Variants in CCBE1 observed in about 807,000 individuals in gnomAD.
CCBE1 encodes collagen and calcium binding EGF domains 1.
CCBE1 carries 37 observed loss-of-function variants against 50.0 expected under a neutral mutation model. That is an observed-to-expected ratio of 0.74 (90% confidence interval 0.57 to 0.97). The LOEUF is 0.97. Among genes scored for constraint, CCBE1 ranks in the 50% least tolerant of loss-of-function variants. The pLI is 0.00. For missense variants in CCBE1, 538 were observed against 523.8 expected, an observed-to-expected ratio of 1.03 and a Z score of -0.26; for synonymous variants, 234 against 203.7, an observed-to-expected ratio of 1.15 and a Z score of -1.27.
At chr18:59,569,741 C>A (rs952535313) in intron 2 of CCBE1, among the ~76,000 whole-genome samples, 3 of 152,092 alleles carry the variant, frequency 2.0e-5, no homozygotes, top group Non-Finnish European at 1.5e-5. Context: ...CTCAAGCCAT[C>A]CTCCCACCTC....
chr18:59,643,612 T>C (rs939685782), intron 2 of CCBE1, among the ~76,000 whole-genome samples: 1 of 152,164 alleles, frequency 6.6e-6, no homozygotes, highest in Non-Finnish European at 1.5e-5. Flanking sequence ...CTGGCCAACA[T>C]GGCAAAACCC....
intron 2 of CCBE1, among the ~76,000 whole-genome samples, chr18:59,580,637 A>G (rs886555324): frequency 2.0e-5 from 3 of 152,208 alleles, no homozygotes. Flanking sequence ...GGAGTCCCCA[A>G]AATGTAAAGC....
At chr18:59,610,758 C>G (rs954310328) in intron 2 of CCBE1, among the ~76,000 whole-genome samples, 1 of 143,106 alleles carries the variant, frequency 7.0e-6, no homozygotes, top group East Asian at 2.4e-4. Context: ...ACATGAGGAA[C>G]GGAGCCTCAC....
intron 2 of CCBE1, among the ~76,000 whole-genome samples, chr18:59,671,500 A>G (rs1213052183): frequency 1.4e-4 from 7 of 48,810 alleles, no homozygotes; most frequent in African/African-American, 7.5e-4. Flanking sequence ...CTTGTCTCAG[A>G]AAAAAAAAAA....
intron 2 of CCBE1, among the ~76,000 whole-genome samples, chr18:59,547,082 A>AGGGAGAGAGG (rs1915727602): frequency 8.5e-5 from 7 of 82,780 alleles, no homozygotes; most frequent in Admixed American, 1.2e-4. Context: ...GGGGAGAGAA[A>AGGGAGAGAGG]GGGAGAGAGA....
chr18:59,674,354 C>A (rs2054471074), intron 2 of CCBE1, among the ~76,000 whole-genome samples: 1 of 152,106 alleles, frequency 6.6e-6, no homozygotes. Flanking sequence ...CCATTCTCAG[C>A]AAACTAAGAC....
At position 59,684,945 on chromosome 18, in the gene CCBE1, G is replaced by A. The variant is rs531030997; in HGVS notation, c.212+11684C>T. On this transcript the variant is annotated intron_variant, in intron 2 of 10. Transcript: ENST00000439986. ...ATCAGGAGGACTGGAGAGTAAAGGCGTACAGATGGGATGGGAGGAGAATCT... is the reference window on the plus strand; with the variant it reads ...ATCAGGAGGACTGGAGAGTAAAGGCATACAGATGGGATGGGAGGAGAATCT... Among the ~76,000 whole-genome samples the A allele has an allele frequency of 1.4e-4, 22 of 152,220 alleles. No homozygotes were observed. The South Asian group carries it at 1.9e-3, about 13-fold the overall frequency.
intron 2 of CCBE1, among the ~76,000 whole-genome samples, chr18:59,494,133 G>C (rs184896281): frequency 6.6e-6 from 1 of 152,198 alleles, no homozygotes; most frequent in Non-Finnish European, 1.5e-5. Flanking sequence ...TACAAGCTTC[G>C]TAACAGAAGT....
chr18:59,678,601 C>T (rs1424681151), intron 2 of CCBE1, among the ~76,000 whole-genome samples: 1 of 152,126 alleles, frequency 6.6e-6, no homozygotes, highest in Non-Finnish European at 1.5e-5. Context: ...GGTGTGATCT[C>T]CGCTCAGTGC....
intron 2 of CCBE1, among the ~76,000 whole-genome samples, chr18:59,636,066 T>C (rs1568245896): frequency 6.6e-6 from 1 of 151,710 alleles, no homozygotes; most frequent in African/African-American, 2.4e-5. Flanking sequence ...GGGAGGAGAA[T>C]CGTTTGAGCC....
chr18:59,651,159 C>A (rs1394159485), intron 2 of CCBE1, among the ~76,000 whole-genome samples: 1 of 152,170 alleles, frequency 6.6e-6, no homozygotes, highest in Admixed American at 6.5e-5. Flanking sequence ...CAAGCCTAAG[C>A]TATAGAAAGA....
intron 2 of CCBE1, among the ~76,000 whole-genome samples, chr18:59,693,864 C>CTTTTTTTTTTTTTTTTTTT (rs11410421): frequency 7.1e-5 from 5 of 70,770 alleles, no homozygotes; most frequent in African/African-American, 1.2e-4. Context: ...AAAGGAAAGC[C>CTTTTTTTTTTTTTTTTTTT]TTTTTTTTTT....
chr18:59,492,037 C>T (rs1274551375), intron 2 of CCBE1, among the ~76,000 whole-genome samples: 4 of 149,436 alleles, frequency 2.7e-5, no homozygotes, highest in Admixed American at 6.7e-5. Flanking sequence ...CCCAGCTACT[C>T]GGGAGACTGA....
chr18:59,519,488 T>C (rs1011054922), intron 2 of CCBE1, among the ~76,000 whole-genome samples: 14 of 149,740 alleles, frequency 9.3e-5, no homozygotes, highest in African/African-American at 3.4e-4. Context: ...AACATATGGC[T>C]TTCCAGAGTC....
intron 2 of CCBE1, among the ~76,000 whole-genome samples, chr18:59,631,899 T>C (rs2144627750): frequency 1.3e-5 from 2 of 152,312 alleles, no homozygotes; most frequent in East Asian, 3.9e-4. Context: ...AAATGTAAGA[T>C]GCCAAAAACC....
At chr18:59,658,354 A>T (rs866401269) in intron 2 of CCBE1, among the ~76,000 whole-genome samples, 13 of 11,284 alleles carry the variant, frequency 1.2e-3, no homozygotes, top group African/African-American at 2.8e-3. Flanking sequence ...AAAAAAAAAA[A>T]ATATATATAT....
intron 2 of CCBE1, among the ~76,000 whole-genome samples, chr18:59,683,939 C>T (rs2054624789): frequency 6.6e-6 from 1 of 151,928 alleles, no homozygotes; most frequent in Non-Finnish European, 1.5e-5. Context: ...CCCCTCCCTT[C>T]CCTAGGACAG....
intron 2 of CCBE1, among the ~76,000 whole-genome samples, chr18:59,549,174 G>A (rs1210329483): frequency 7.3e-5 from 11 of 151,168 alleles, no homozygotes; most frequent in Admixed American, 6.6e-4. Context: ...AGACCACACC[G>A]TGTTTCACAT....
chr18:59,441,924 C>G (rs1910445352), intron 7 of CCBE1, among the ~76,000 whole-genome samples: 1 of 152,154 alleles, frequency 6.6e-6, no homozygotes, highest in Non-Finnish European at 1.5e-5. Context: ...ACAGTGGCTC[C>G]CCTCTGCATA....
Sources: allele counts gnomAD v4.1 joint callset (sites outside exome capture counted in the v4.1 genomes callset), GRCh38; gene constraint gnomAD v4.1.1; transcripts MANE v1.5; gene names NCBI Gene and HGNC (gene_info 2026-07-23, HGNC 2026-07-21).